Variants in SLC12A2 observed in about 807,000 individuals in gnomAD.
SLC12A2 encodes the protein solute carrier family 12 member 2.
Under a neutral mutation model 136.3 loss-of-function variants are expected in SLC12A2, and 67 were observed. The observed-to-expected ratio is 0.49, with a 90% CI of 0.40 to 0.60. The LOEUF (loss-of-function observed/expected upper bound fraction) is 0.60, where lower values mean the gene tolerates loss of function less well. SLC12A2 is among the 20% of genes least tolerant of loss of function. The pLI is 0.00. For missense variants in SLC12A2, 1,322 were observed against 1,534.7 expected (o/e 0.86, Z 2.32); for synonymous variants, 619 against 562.9 (o/e 1.10, Z -1.41).
At chr5:128,085,537 T>C (rs1760069828) in intron 1 of SLC12A2, among the ~76,000 whole-genome samples, 1 of 152,230 alleles carries the variant, frequency 6.6e-6, no homozygotes. Context: ...GACTTATTTC[T>C]TCAGCGTTCA....
At chr5:128,122,736 T>A (rs1042215129) in intron 4 of SLC12A2, among the ~76,000 whole-genome samples, 10 of 152,060 alleles carry the variant, frequency 6.6e-5, no homozygotes, top group Admixed American at 5.2e-4. Flanking sequence ...CTTTCTGCAT[T>A]TGAAAAATCA....
chr5:128,160,773 T>C (rs1561695365), intron 16 of SLC12A2, among the ~76,000 whole-genome samples: 1 of 152,108 alleles, frequency 6.6e-6, no homozygotes, highest in African/African-American at 2.4e-5. Context: ...GAAGTGTATA[T>C]TGTATACCTC....
intron 15 of SLC12A2, among the ~76,000 whole-genome samples, chr5:128,157,049 C>T (rs1431107080): frequency 6.6e-6 from 1 of 152,166 alleles, no homozygotes; most frequent in Non-Finnish European, 1.5e-5. Flanking sequence ...GCTTTTCCAG[C>T]TCATTTGCTA....
chr5:128,138,630 T>G lies in SLC12A2; in HGVS notation c.1442T>G (p.Phe481Cys). ...EIFNENFGPD[F>C]REEETFFSVF... ...TTTAATGAGAACTTTGGGCCCGATT[T>G]TCGAGAGGAAGAGACTTTCTTTTCT... The change falls in exon 8 of 27, where the codon TTT (phenylalanine) becomes TGT (cysteine). Residue 481 changes from phenylalanine (F) to cysteine (C), a missense_variant. Physicochemically the swap from Phe to Cys is radical, Grantham distance 205 (BLOSUM62 -2). Around this residue, in one of 8 missense-constraint regions of SLC12A2, gnomAD observed 110 missense variants for 114.5 expected, o/e 0.96. Transcript: ENST00000262461. The G allele has an allele frequency of 6.2e-7, 1 of 1,612,168 alleles. No individual in the cohort carries two copies. The highest frequency in any genetic ancestry group is 1.7e-4 in the Middle Eastern group (1 of 6,044).
chr5:128,174,016 T>C (rs1165169212), intron 19 of SLC12A2, among the ~76,000 whole-genome samples: 2 of 152,088 alleles, frequency 1.3e-5, no homozygotes, highest in Admixed American at 1.3e-4. Context: ...CTATGGACAG[T>C]TGTTACATTT....
At position 128,083,875 on chromosome 5, in the gene SLC12A2, C is replaced by A; in HGVS notation, c.-80C>A. Reference sequence around the variant, plus strand: ...TCTCACCTGGTCTTGCGGCTGTGGCCACCGCCGGCCAGGGGTGTGGAGGGC... The same window carrying A: ...TCTCACCTGGTCTTGCGGCTGTGGCAACCGCCGGCCAGGGGTGTGGAGGGC... On this transcript the variant is annotated 5_prime_UTR_variant, in exon 1 of 27. Transcript: ENST00000262461. 2.8e-6 allele frequency: 3 copies of A among 1,078,868 alleles called. No individual in the cohort carries two copies. Among genetic ancestry groups the A allele is most frequent in the Non-Finnish European group, 3.5e-6 (3 of 854,050 alleles). The allele number at this position is 1,078,868 out of a possible 1,614,324, so 66.8% of individuals were successfully genotyped here.
chr5:128,138,547 T>G, intron 7 of SLC12A2, 50 bp from the exon 8 acceptor site: 1 of 1,537,712 alleles, frequency 6.5e-7, no homozygotes. Context: ...TCAGTTATTA[T>G]AGTCTAATTT....
chr5:128,167,693 T>A, intron 17 of SLC12A2, 68 bp from the exon 18 acceptor site: 1 of 1,114,780 alleles, frequency 9.0e-7, no homozygotes, highest in Non-Finnish European at 1.3e-6. Flanking sequence ...GAGGACAGTT[T>A]TATCACTTCA....
intron 21 of SLC12A2, 135 bp from the exon 22 acceptor site, chr5:128,178,432 A>G (rs1763599727): frequency 2.0e-6 from 1 of 499,228 alleles, no homozygotes. Context: ...TTTATGGTAG[A>G]TGCCGTATAC....
Position 128,084,291 on chromosome 5 carries a change from G to T in SLC12A2, c.337G>T (p.Ala113Ser), listed in dbSNP as rs1338465818. The change falls in exon 1 of 27, where the codon GCC (alanine) becomes TCC (serine). Residue 113 changes from alanine (A) to serine (S), a missense_variant. By Grantham distance (99) the Ala-to-Ser change is moderately conservative. Coordinates refer to ENST00000262461, the MANE Select transcript of SLC12A2 (RefSeq NM_001046.3). This position sits in a 1 kb window ranked among gnomAD's most constrained non-coding sequence, Gnocchi z 5.6. Reference protein sequence around the residue: ...AAAAAGAGAGAKQTPADGEAS... With the variant: ...AAAAAGAGAGSKQTPADGEAS... Reference sequence around the variant, plus strand: ...GGCGGCGGCTGGTGCTGGGGCGGGGGCCAAGCAGACCCCCGCGGACGGGGA... The same window carrying T: ...GGCGGCGGCTGGTGCTGGGGCGGGGTCCAAGCAGACCCCCGCGGACGGGGA... 3 of 1,485,016 alleles carry T rather than the reference G, an allele frequency of 2.0e-6. No individual in the cohort carries two copies. Among genetic ancestry groups the T allele is most frequent in the African/African-American group, 2.8e-5 (2 of 71,238 alleles). 92.0% of individuals were successfully genotyped at this position (1,485,016 alleles called of 1,614,324 possible). A position where few individuals can be genotyped will look rare whatever the true frequency, so the allele number is the denominator to read the frequency against.
In SLC12A2 at chr5:128,084,661, A is replaced by T; in HGVS notation, c.707A>T (p.Glu236Val). ...CGGCACACAGCCGCGCAGCTGGGCG[A>T]GAAGCTGCTCCGGCCTAGCCTGGCG... ...HYRHTAAQLG[E>V]KLLRPSLAEL... The change falls in exon 1 of 27, where the codon GAG becomes GTG. Residue 236 changes from glutamate to valine, a missense_variant. Around this residue, in one of 8 missense-constraint regions of SLC12A2, gnomAD observed 32 missense variants for 63.6 expected, o/e 0.50. Transcript: ENST00000262461. This position sits in a 1 kb window ranked among gnomAD's most constrained non-coding sequence, Gnocchi z 5.6. 4 of 1,612,474 alleles carry T rather than the reference A, an allele frequency of 2.5e-6. No individual in the cohort carries two copies. Among genetic ancestry groups the T allele is most frequent in the Non-Finnish European group, 3.4e-6 (4 of 1,179,546 alleles).
At chr5:128,178,897 C>T (rs1219133642) in intron 22 of SLC12A2, among the ~76,000 whole-genome samples, 2 of 152,134 alleles carry the variant, frequency 1.3e-5, no homozygotes, top group African/African-American at 4.8e-5. Flanking sequence ...GTAGTATTTC[C>T]TTGAGCTTCA....
At chr5:128,101,850 T>C (rs79365910) in intron 1 of SLC12A2, among the ~76,000 whole-genome samples, 1,953 of 152,314 alleles carry the variant, frequency 0.013, 47 homozygotes, top group African/African-American at 0.043. Context: ...TGTGCTATAC[T>C]GTGTTGGCTT....
intron 14 of SLC12A2, 148 bp from the exon 15 acceptor site, chr5:128,152,558 T>A: frequency 1.6e-6 from 1 of 619,716 alleles, no homozygotes; most frequent in Non-Finnish European, 3.0e-6. Flanking sequence ...TATCTTGCTG[T>A]ATATGTGAAC....
At position 128,166,859 on chromosome 5, in the gene SLC12A2, C is replaced by A. The variant is rs190813917; in HGVS notation, c.2617-902C>A. On this transcript the variant is annotated intron_variant, in intron 17 of 26. Transcript: ENST00000262461. Reference sequence around the variant, plus strand: ...AAATACTAAAACTTGTGTGTGCACACAATCTTGGAAATAGAATTTTCTAAT... The same window carrying A: ...AAATACTAAAACTTGTGTGTGCACAAAATCTTGGAAATAGAATTTTCTAAT... Among the ~76,000 whole-genome samples the A allele has an allele frequency of 7.5e-4, 114 of 151,980 alleles. No individual in the cohort carries two copies. In the Middle Eastern group the frequency reaches 0.014, roughly 18 times the overall value.
intron 1 of SLC12A2, among the ~76,000 whole-genome samples, chr5:128,086,600 T>C (rs1040937000): frequency 2.0e-5 from 3 of 152,198 alleles, no homozygotes; most frequent in Non-Finnish European, 4.4e-5. Context: ...TTATGTTCAG[T>C]TTCATTTATG....
Position 128,131,173 on chromosome 5 carries a change from T to C in SLC12A2, c.1155T>C (p.Val385=), listed in dbSNP as rs766858451. The C allele has an allele frequency of 6.2e-7, 1 of 1,614,212 alleles. No individual in the cohort carries two copies. The highest frequency in any genetic ancestry group is 1.1e-5 in the South Asian group (1 of 91,082). The part of the protein sequence containing the change: ...ANAVAVAMYV[V]GFAETVVELL... The stretch of plus-strand genomic sequence containing the variant: ...CTGTTGCAGTTGCTATGTATGTGGT[T>C]GGATTTGCAGAAACCGTGGTGGAGT... The change falls in exon 5 of 27, where the codon GTT becomes GTC. Residue 385 remains valine, a synonymous_variant. Coordinates refer to ENST00000262461, the MANE Select transcript of SLC12A2 (RefSeq NM_001046.3).
At position 128,178,573 on chromosome 5, in the gene SLC12A2, A is replaced by G. The variant is rs145196893; in HGVS notation, c.2984A>G (p.Lys995Arg). 57 of 1,562,852 alleles carry G rather than the reference A, an allele frequency of 3.6e-5. No homozygotes were observed. The African/African-American group carries it at 7.1e-4, about 19-fold the overall frequency. Reference sequence around the variant, plus strand: ...ATTTTGCTTAATCCTTTAGAATCCAAAGGCCCTATTGTGCCTTTAAATGTA... The same window carrying G: ...ATTTTGCTTAATCCTTTAGAATCCAGAGGCCCTATTGTGCCTTTAAATGTA... The part of the protein sequence containing the change: ...ATQPLLKKES[K>R]GPIVPLNVAD... The change falls in exon 22 of 27, where the codon AAA (lysine) becomes AGA (arginine). Residue 995 changes from lysine (K) to arginine (R), a missense_variant. Coordinates refer to ENST00000262461, the MANE Select transcript of SLC12A2 (RefSeq NM_001046.3).
At chr5:128,137,938 CTTT>C (rs775118655) in intron 7 of SLC12A2, among the ~76,000 whole-genome samples, 2 of 141,864 alleles carry the variant, frequency 1.4e-5, no homozygotes. Context: ...TTTTGTTTTC[CTTT>C]TTTTTTTTTT....
Sources: allele counts gnomAD v4.1 joint callset (sites outside exome capture counted in the v4.1 genomes callset), GRCh38; gene constraint gnomAD v4.1.1; regional missense constraint gnomAD v4.1.1; non-coding constraint Gnocchi (gnomAD v3.1); transcripts MANE v1.5; gene names NCBI Gene and HGNC (gene_info 2026-07-23, HGNC 2026-07-21).